The following NPM1 variants were observed in gnomAD, a reference collection of about 807,000 sequenced individuals.
NPM1 encodes nucleophosmin 1, also known as nucleophosmin.
NPM1 carries 1 observed loss-of-function variant against 44.1 expected under a neutral mutation model. The observed-to-expected ratio is 0.02, with a 90% CI of 0.01 to 0.11. The LOEUF is 0.11. NPM1 is among the 10% of genes least tolerant of loss of function. NPM1 has a pLI of 1.00. For missense variants in NPM1, 197 were observed against 347.8 expected (o/e 0.57, Z 3.45); for synonymous variants, 126 against 111.8 (o/e 1.13, Z -0.80).
intron 10 of NPM1, among the ~76,000 whole-genome samples, chr5:171,408,116 G>A (rs1286604903): frequency 6.8e-6 from 1 of 148,134 alleles, no homozygotes; most frequent in African/African-American, 2.5e-5. Flanking sequence ...GGGGCAGTCT[G>A]GTCTTGGCTT....
At chr5:171,388,981 G>T (rs1770428946) in intron 1 of NPM1, among the ~76,000 whole-genome samples, 1 of 152,194 alleles carries the variant, frequency 6.6e-6, no homozygotes, top group Non-Finnish European at 1.5e-5. Flanking sequence ...CTCGCATGCC[G>T]CCATTTGTGC....
At chr5:171,393,515 C>T (rs577415610) in intron 6 of NPM1, among the ~76,000 whole-genome samples, 1 of 152,088 alleles carries the variant, frequency 6.6e-6, no homozygotes, top group Non-Finnish European at 1.5e-5. Flanking sequence ...TATTTGATGA[C>T]TTTATATTAA....
chr5:171,393,127 T>C, intron 6 of NPM1, 149 bp downstream of exon 6: 1 of 1,037,942 alleles, frequency 9.6e-7, no homozygotes, highest in Non-Finnish European at 1.4e-6. Context: ...GGTGGTCATC[T>C]GTTGTCAGTT....
chr5:171,400,670 A>ACTC, intron 7 of NPM1, 169 bp from the exon 8 acceptor site: 1 of 524,618 alleles, frequency 1.9e-6, no homozygotes, highest in Non-Finnish European at 3.4e-6. Flanking sequence ...CTGGTCTCGA[A>ACTC]CTCCTGACCT....
chr5:171,392,871 A>G (rs1243679477), intron 5 of NPM1, 43 bp from the exon 6 acceptor site: 1 of 1,613,096 alleles, frequency 6.2e-7, no homozygotes, highest in Admixed American at 1.7e-5. Flanking sequence ...GTTTGGTGAT[A>G]GAACAGCTCT....
intron 7 of NPM1, 30 bp downstream of exon 7, chr5:171,400,240 AAACT>A: frequency 6.2e-7 from 1 of 1,612,764 alleles, no homozygotes; most frequent in East Asian, 2.2e-5. Context: ...CAAGGTTGTT[AAACT>A]AACAATAGAA....
intron 8 of NPM1, among the ~76,000 whole-genome samples, chr5:171,402,941 C>T (rs1771293269): frequency 7.6e-6 from 1 of 130,982 alleles, no homozygotes; most frequent in Non-Finnish European, 1.6e-5. Flanking sequence ...ATTACCCAAT[C>T]TCAGGTAGTT....
At chr5:171,398,895 T>C (rs1383299218) in intron 6 of NPM1, among the ~76,000 whole-genome samples, 1 of 152,216 alleles carries the variant, frequency 6.6e-6, no homozygotes, top group African/African-American at 2.4e-5. Flanking sequence ...TGAGTCTCAC[T>C]GTCACCCAGG....
intron 8 of NPM1, among the ~76,000 whole-genome samples, chr5:171,403,666 G>C (rs1389657227): frequency 4.2e-5 from 6 of 143,126 alleles, no homozygotes; most frequent in African/African-American, 7.7e-5. Flanking sequence ...TCCCGGACGG[G>C]GCGGCTGGCC....
chr5:171,393,546 CA>C lies in NPM1; in HGVS notation c.524+571del, dbSNP rs1475693968. On this transcript the variant is annotated intron_variant, in intron 6 of 10. Transcript: ENST00000296930. ...ATTAAACTAGATCAAACTATTGTTA[CA>C]AACAGTTAATACGCACACTGGTATA... is the stretch of plus-strand genomic sequence containing the variant. 2.6e-5 allele frequency among the ~76,000 whole-genome samples: 4 copies of C among 152,278 alleles called. No individual in the cohort carries two copies. The South Asian group carries it at 8.3e-4, about 32-fold the overall frequency.
At chr5:171,388,573 G>GCACGTGGTTGC (rs892829756) in intron 1 of NPM1, among the ~76,000 whole-genome samples, 9 of 140,308 alleles carry the variant, frequency 6.4e-5, no homozygotes, top group Admixed American at 7.3e-5. Context: ...ACCGCTGGGA[G>GCACGTGGTTGC]CACGTGGTTG....
chr5:171,400,239 T>G (rs1215495204), intron 7 of NPM1, 29 bp downstream of exon 7: 3 of 1,612,954 alleles, frequency 1.9e-6, no homozygotes, highest in Non-Finnish European at 2.5e-6. Context: ...ACAAGGTTGT[T>G]AAACTAACAA....
At chr5:171,391,554 T>A in intron 3 of NPM1, 130 bp downstream of exon 3, 1 of 1,275,006 alleles carries the variant, frequency 7.8e-7, no homozygotes, top group Non-Finnish European at 1.1e-6. Flanking sequence ...AGTTCGATGG[T>A]CAACTCTTGA....
chr5:171,392,694 A>C lies in NPM1; in HGVS notation c.353-16A>C. 6.4e-7 allele frequency: 1 copy of C among 1,569,286 alleles called. No individual in the cohort carries two copies. The highest frequency in any genetic ancestry group is 1.1e-5 in the South Asian group (1 of 88,692). On this transcript the variant is annotated splice_polypyrimidine_tract_variant and intron_variant, in intron 4 of 10. Transcript: ENST00000296930. ...TGCTGCTTGAGTTTTATAATGTCTAATAAATTGTATTTTAGCTGTGGAGGA... is the reference window on the plus strand; with the variant it reads ...TGCTGCTTGAGTTTTATAATGTCTACTAAATTGTATTTTAGCTGTGGAGGA...
chr5:171,389,851 A>C (rs975170870), intron 1 of NPM1, among the ~76,000 whole-genome samples, 200 bp from the exon 2 acceptor site: 2 of 152,196 alleles, frequency 1.3e-5, no homozygotes, highest in Non-Finnish European at 2.9e-5. Flanking sequence ...ATGATGAGAG[A>C]ATGGAATTAT....
chr5:171,396,686 C>G (rs939107148), intron 6 of NPM1, among the ~76,000 whole-genome samples: 2 of 152,170 alleles, frequency 1.3e-5, no homozygotes, highest in African/African-American at 2.4e-5. Context: ...GATTTGATTA[C>G]TCCCCTCCAT....
intron 8 of NPM1, 42 bp downstream of exon 8, chr5:171,400,967 G>C (rs1362277471): frequency 9.0e-6 from 12 of 1,331,230 alleles, no homozygotes; most frequent in Non-Finnish European, 1.3e-5. Flanking sequence ...TGATCTAGTT[G>C]GGGAAAAAGA....
chr5:171,407,881 C>A, intron 10 of NPM1, 107 bp downstream of exon 10: 1 of 671,920 alleles, frequency 1.5e-6, no homozygotes, highest in South Asian at 1.8e-5. Flanking sequence ...AAGTTCCTAA[C>A]CACAGATAAT....
In NPM1 at chr5:171,405,395, A is replaced by G. The variant is rs776780244; in HGVS notation, c.763A>G (p.Ile255Val). 11 of 1,505,626 alleles carry G rather than the reference A, an allele frequency of 7.3e-6. No homozygotes were observed. The highest frequency in any genetic ancestry group is 1.4e-5 in the African/African-American group (1 of 72,294). The allele number at this position is 1,505,626 out of a possible 1,614,324, so 93.3% of individuals were successfully genotyped here. A position where few individuals can be genotyped will look rare whatever the true frequency, so the allele number is the denominator to read the frequency against. ...CATTAAAGCAAAAATGCAAGCAAGT[A>G]TAGAAAAAGTGAGTAAAGTTATCTT... ...EDIKAKMQASIEKGGSLPKVE... is the reference protein window; with the variant it reads ...EDIKAKMQASVEKGGSLPKVE... The change falls in exon 9 of 11, where the codon ATA (isoleucine) becomes GTA (valine). Residue 255 changes from isoleucine (I) to valine (V), a missense_variant. Coordinates refer to ENST00000296930, the MANE Select transcript of NPM1 (RefSeq NM_002520.7).
Sources: allele counts gnomAD v4.1 joint callset (sites outside exome capture counted in the v4.1 genomes callset), GRCh38; gene constraint gnomAD v4.1.1; transcripts MANE v1.5; gene names NCBI Gene and HGNC (gene_info 2026-07-23, HGNC 2026-07-21).